Variants in ELAVL4 observed in about 807,000 individuals in gnomAD.
The protein encoded by ELAVL4 is ELAV-like protein 4.
ELAVL4 carries 1 observed loss-of-function variant against 35.6 expected under a neutral mutation model. The observed-to-expected ratio is 0.03, with a 90% CI of 0.01 to 0.13. The LOEUF (loss-of-function observed/expected upper bound fraction) is 0.13, where lower values mean the gene tolerates loss of function less well. Among genes scored for constraint, ELAVL4 ranks in the 10% least tolerant of loss-of-function variants. ELAVL4 has a pLI of 1.00. For missense variants in ELAVL4, 267 were observed against 464.9 expected (o/e 0.57, Z 3.91); for synonymous variants, 156 against 171.0 (o/e 0.91, Z 0.69).
chr1:50,150,649 A>G (rs1334282144), intron 2 of ELAVL4, among the ~76,000 whole-genome samples: 1 of 152,204 alleles, frequency 6.6e-6, no homozygotes, highest in Non-Finnish European at 1.5e-5. Flanking sequence ...GATTGTTTTA[A>G]TGTACCTTAT....
intron 1 of ELAVL4, among the ~76,000 whole-genome samples, chr1:50,056,140 G>A (rs1441266686): frequency 6.6e-6 from 1 of 152,072 alleles, no homozygotes; most frequent in Non-Finnish European, 1.5e-5. Flanking sequence ...ATGAGTTTCT[G>A]GACAAAGGGT....
At chr1:50,198,418 A>G (rs946617607) in intron 6 of ELAVL4, among the ~76,000 whole-genome samples, 10 of 152,126 alleles carry the variant, frequency 6.6e-5, no homozygotes, top group Admixed American at 3.9e-4. Context: ...TGTAGTCTTT[A>G]ATAGTCCACA....
rs750517639 is a variant in ELAVL4, at chr1:50,144,974, G to T, written c.27G>T (p.Glu9Asp). 1.9e-6 allele frequency: 3 copies of T among 1,613,686 alleles called. No homozygotes were observed. The highest frequency in any genetic ancestry group is 2.2e-5 in the East Asian group (1 of 44,794). MVMIISTMEPQVSNGPTSN... is the reference protein window; with the variant it reads MVMIISTMDPQVSNGPTSN... Reference sequence around the variant, plus strand: ...TTATTTAGATAATTAGCACCATGGAGCCTCAGGTGTCAAATGGTCCGACAT... The same window carrying T: ...TTATTTAGATAATTAGCACCATGGATCCTCAGGTGTCAAATGGTCCGACAT... Residue 9 changes from glutamate (E) to aspartate (D), a missense_variant, in exon 2 of 7, where the codon GAG becomes GAT. This residue lies in a region of ELAVL4 where 51 missense variants were observed against 55.4 expected (regional missense o/e 0.92). Coordinates refer to ENST00000371824, the MANE Select transcript of ELAVL4 (RefSeq NM_001144774.3).
intron 3 of ELAVL4, among the ~76,000 whole-genome samples, chr1:50,178,375 A>G (rs1253427030): frequency 2.0e-5 from 3 of 152,252 alleles, no homozygotes; most frequent in African/African-American, 7.2e-5. Context: ...AGAGGAGACT[A>G]CTGGTATAAG....
rs532705127 is a variant in ELAVL4, at chr1:50,147,692, TC to T, written c.250+2500del. On this transcript the variant is annotated intron_variant, in intron 2 of 6. Coordinates refer to ENST00000371824, the MANE Select transcript of ELAVL4 (RefSeq NM_001144774.3). ...GTTGCCCTGATTTTTAACATCCTAG[TC>T]CCCCTTTTTCCTCCAACACCTCCTA... 5.9e-3 allele frequency among the ~76,000 whole-genome samples: 895 copies of T among 152,196 alleles called. 8 individuals are homozygous for T. Among genetic ancestry groups the T allele is most frequent in the Middle Eastern group, 0.02 (6 of 294 alleles).
intron 1 of ELAVL4, among the ~76,000 whole-genome samples, chr1:50,085,239 TG>T (rs1665187765): frequency 6.6e-6 from 1 of 152,218 alleles, no homozygotes; most frequent in African/African-American, 2.4e-5. Flanking sequence ...AAATTTCATT[TG>T]CTAAAGAGAT....
chr1:50,106,072 G>A, upstream of ELAVL4: 2 of 397,138 alleles, frequency 5.0e-6, no homozygotes, highest in East Asian at 3.6e-5. Context: ...TACAATTCAC[G>A]CTTCCATTTC....
intron 2 of ELAVL4, among the ~76,000 whole-genome samples, chr1:50,170,771 G>T (rs1446237950): frequency 6.6e-6 from 1 of 152,174 alleles, no homozygotes; most frequent in Non-Finnish European, 1.5e-5. Context: ...GGGCATGGTG[G>T]CCTGTAATCC....
chr1:50,095,975 C>T (rs986530915), intron 1 of ELAVL4, among the ~76,000 whole-genome samples: 4 of 152,076 alleles, frequency 2.6e-5, no homozygotes, highest in Non-Finnish European at 4.4e-5. Context: ...TAATACCTTC[C>T]GTTGGTAGAG....
chr1:50,125,060 G>A (rs9436447), intron 1 of ELAVL4, among the ~76,000 whole-genome samples: 38,712 of 151,626 alleles, frequency 0.26, 5,155 homozygotes, highest in East Asian at 0.34. Context: ...AGAGGAAGAA[G>A]ACAGAGAATA....
intron 2 of ELAVL4, chr1:50,174,483 T>C (rs1027197776): frequency 2.1e-5 from 3 of 139,552 alleles, no homozygotes. Flanking sequence ...ATCTGTTTTT[T>C]GTTTGTTTTT....
At chr1:50,053,938 A>C (rs2148470349) in intron 1 of ELAVL4, among the ~76,000 whole-genome samples, 1 of 152,268 alleles carries the variant, frequency 6.6e-6, no homozygotes, top group Non-Finnish European at 1.5e-5. Flanking sequence ...CTTGATGAAG[A>C]TGAAGAAGTT....
chr1:50,130,431 C>T (rs547208087), intron 1 of ELAVL4, among the ~76,000 whole-genome samples: 1 of 152,266 alleles, frequency 6.6e-6, no homozygotes, highest in South Asian at 2.1e-4. Context: ...ATACCCACTT[C>T]TCAAAGTTGT....
intron 1 of ELAVL4, among the ~76,000 whole-genome samples, chr1:50,143,663 T>C (rs887604237): frequency 3.3e-5 from 5 of 151,988 alleles, no homozygotes; most frequent in East Asian, 1.9e-4. Flanking sequence ...TTCCAAGGAG[T>C]TGATGATCAG....
chr1:50,074,414 A>G (rs918012814), intron 1 of ELAVL4, among the ~76,000 whole-genome samples: 7 of 152,132 alleles, frequency 4.6e-5, no homozygotes, highest in African/African-American at 1.7e-4. Context: ...AATTGCTACC[A>G]TTTACTGAGC....
In ELAVL4 at chr1:50,195,688, C is replaced by T. The variant is rs370446022; in HGVS notation, c.636C>T (p.Asn212=). Residue 212 remains asparagine (N), a synonymous_variant, in exon 5 of 7, where the codon AAC becomes AAT. Transcript: ENST00000371824. The part of the protein sequence containing the change: ...TEPITVKFAN[N]PSQKSSQALL... Reference sequence around the variant, plus strand: ...CGATTACTGTGAAGTTTGCCAACAACCCCAGCCAGAAGTCCAGCCAGGCCC... The same window carrying T: ...CGATTACTGTGAAGTTTGCCAACAATCCCAGCCAGAAGTCCAGCCAGGCCC... 1.2e-5 allele frequency: 19 copies of T among 1,614,020 alleles called. No homozygotes were observed. The highest frequency in any genetic ancestry group is 1.6e-5 in the Non-Finnish European group (19 of 1,180,012).
chr1:50,059,954 T>C (rs1227759904), intron 1 of ELAVL4, among the ~76,000 whole-genome samples: 1 of 151,822 alleles, frequency 6.6e-6, no homozygotes. Flanking sequence ...GGAGCAGGGG[T>C]GAATGGGGAA....
chr1:50,060,908 T>C (rs1663929895), intron 1 of ELAVL4, among the ~76,000 whole-genome samples: 1 of 152,212 alleles, frequency 6.6e-6, no homozygotes, highest in East Asian at 1.9e-4. Flanking sequence ...TTCAAGATAA[T>C]TTTTCTTCTA....
upstream of ELAVL4, among the ~76,000 whole-genome samples, chr1:50,107,814 C>A (rs868057946): frequency 2.6e-5 from 4 of 152,224 alleles, no homozygotes; most frequent in Middle Eastern, 3.4e-3. Context: ...AAAACCCAAA[C>A]CAGAACAAAA....
Sources: allele counts gnomAD v4.1 joint callset (sites outside exome capture counted in the v4.1 genomes callset), GRCh38; gene constraint gnomAD v4.1.1; regional missense constraint gnomAD v4.1.1; transcripts MANE v1.5; gene names NCBI Gene and HGNC (gene_info 2026-07-23, HGNC 2026-07-21).